The following IL1RL1 variants were observed in gnomAD, a reference collection of about 807,000 sequenced individuals.
IL1RL1 encodes the protein interleukin-1 receptor-like 1.
Under a neutral mutation model 50.9 loss-of-function variants are expected in IL1RL1, and 32 were observed. That is an observed-to-expected ratio of 0.63 (90% CI 0.47 to 0.84). The LOEUF is 0.84. Ranked by LOEUF, IL1RL1 falls within the 40% of genes least tolerant of loss-of-function variation. The probability of loss-of-function intolerance (pLI) is 0.00; values close to 1 mark genes in which losing one functional copy is unlikely to be tolerated. For missense variants in IL1RL1, 773 were observed against 662.9 expected (o/e 1.17, Z -1.82); for synonymous variants, 275 against 236.0 (o/e 1.17, Z -1.51).
At chr2:102,323,711 C>A (rs971990317) in intron 1 of IL1RL1, among the ~76,000 whole-genome samples, 1 of 152,104 alleles carries the variant, frequency 6.6e-6, no homozygotes, top group Non-Finnish European at 1.5e-5. Flanking sequence ...GGGATCCACC[C>A]CCATGACCCA....
At position 102,340,556 on chromosome 2, in the gene IL1RL1, C is replaced by A. The variant is rs568646067; in HGVS notation, c.448-110C>A. The A allele has an allele frequency of 2.9e-5, 32 of 1,097,628 alleles. No homozygotes were observed. The African/African-American group carries it at 4.2e-4, about 15-fold the overall frequency. The allele number at this position is 1,097,628 out of a possible 1,614,324, so 68.0% of individuals were successfully genotyped here. ...TGAACCTAGAAGGCAGAGGTTACAG[C>A]GAGCCCAGATTGCACCACTCACTCC... is the stretch of plus-strand genomic sequence containing the variant. On this transcript the variant is annotated intron_variant, in intron 4 of 10. Transcript: ENST00000233954.
In IL1RL1 at chr2:102,340,255, C is replaced by A. The variant is rs141010284; in HGVS notation, c.430C>A (p.Pro144Thr). 8 of 1,594,820 alleles carry A rather than the reference C, an allele frequency of 5.0e-6. No individual in the cohort carries two copies. Among genetic ancestry groups the A allele is most frequent in the Non-Finnish European group, 6.8e-6 (8 of 1,175,638 alleles). ...PTIDLYNWTA[P>T]LEWFKNCQAL... ...CATTGACCTCTACAACTGGACAGCA[C>A]CTCTTGAGTGGTTTAAGGTAAGAAG... The change falls in exon 4 of 11, where the codon CCT becomes ACT. Residue 144 changes from proline to threonine, a missense_variant. Transcript: ENST00000233954.
chr2:102,336,527 C>T (rs1032688748), intron 1 of IL1RL1, among the ~76,000 whole-genome samples: 4 of 152,134 alleles, frequency 2.6e-5, no homozygotes, highest in Admixed American at 6.5e-5. Context: ...ATAGGGTCAT[C>T]GCAACTATGC....
At chr2:102,330,924 C>A (rs1677161008) in intron 1 of IL1RL1, among the ~76,000 whole-genome samples, 1 of 152,120 alleles carries the variant, frequency 6.6e-6, no homozygotes. Flanking sequence ...ATTTTTATTT[C>A]ATTTTTCTGT....
At chr2:102,325,522 G>A (rs1012509586) in intron 1 of IL1RL1, among the ~76,000 whole-genome samples, 1 of 152,162 alleles carries the variant, frequency 6.6e-6, no homozygotes, top group Non-Finnish European at 1.5e-5. Flanking sequence ...GACGAGTTGA[G>A]AGAAGAAGGC....
In IL1RL1 at chr2:102,351,589, A is replaced by G; in HGVS notation, c.1339A>G (p.Ile447Val). The change falls in exon 11 of 11, where the codon ATC becomes GTC. Residue 447 changes from isoleucine (I) to valine (V), a missense_variant. Physicochemically the swap from Ile to Val is conservative, Grantham distance 29. Coordinates refer to ENST00000233954, the MANE Select transcript of IL1RL1 (RefSeq NM_016232.5). ...ACGAAAGAGCAGGCGGCACATTTTCATCCTGACCCCTCAGATCACTCACAA... is the reference window on the plus strand; with the variant it reads ...ACGAAAGAGCAGGCGGCACATTTTCGTCCTGACCCCTCAGATCACTCACAA... ...NIRKSRRHIF[I>V]LTPQITHNKE... 1 of 1,614,126 alleles carries G rather than the reference A, an allele frequency of 6.2e-7. No individual in the cohort carries two copies. Among genetic ancestry groups the G allele is most frequent in the Admixed American group, 1.7e-5 (1 of 60,002 alleles).
rs1677493260 is a variant in IL1RL1 at position 102,340,193 on chromosome 2, C to T, written c.368C>T (p.Ser123Phe). 1.2e-6 allele frequency: 2 copies of T among 1,604,540 alleles called. No homozygotes were observed. The highest frequency in any genetic ancestry group is 1.7e-6 in the Non-Finnish European group (2 of 1,176,564). The change falls in exon 4 of 11, where the codon TCT becomes TTT. Residue 123 changes from serine (S) to phenylalanine (F), a missense_variant. By Grantham distance (155) the Ser-to-Phe change is radical (BLOSUM62 -2). Coordinates refer to ENST00000233954, the MANE Select transcript of IL1RL1 (RefSeq NM_016232.5). ...GATTATTTGATGTATTCAACAGTAT[C>T]TGGATCAGAAAAAAATTCCAAAATT... ...VPDYLMYSTV[S>F]GSEKNSKIYC...
chr2:102,317,585 A>C (rs1246482717), intron 1 of IL1RL1, among the ~76,000 whole-genome samples: 1 of 152,112 alleles, frequency 6.6e-6, no homozygotes, highest in Non-Finnish European at 1.5e-5. Flanking sequence ...TTTTCACGTG[A>C]GAACAAACTC....
At chr2:102,317,727 A>G (rs1676718569) in intron 1 of IL1RL1, among the ~76,000 whole-genome samples, 1 of 152,182 alleles carries the variant, frequency 6.6e-6, no homozygotes. Context: ...ACTCAACCAT[A>G]GACCATTCAG....
chr2:102,329,180 T>G (rs1181584364), intron 1 of IL1RL1, among the ~76,000 whole-genome samples: 1 of 152,106 alleles, frequency 6.6e-6, no homozygotes, highest in East Asian at 1.9e-4. Context: ...TCAGAAATAA[T>G]GCTGCATGTC....
chr2:102,342,340 C>T, intron 6 of IL1RL1, 46 bp downstream of exon 6: 2 of 1,314,404 alleles, frequency 1.5e-6, no homozygotes, highest in Non-Finnish European at 1.1e-6. Context: ...TGGAAAAATC[C>T]TTCCATATGA....
chr2:102,352,344 T>C (rs940456301), downstream of IL1RL1, among the ~76,000 whole-genome samples: 4 of 135,566 alleles, frequency 3.0e-5, no homozygotes, highest in Non-Finnish European at 6.2e-5. Flanking sequence ...TTGTAAATCT[T>C]GTTCCCAACA....
At chr2:102,320,347 T>A (rs1022480318) in intron 1 of IL1RL1, among the ~76,000 whole-genome samples, 1 of 152,032 alleles carries the variant, frequency 6.6e-6, no homozygotes, top group Non-Finnish European at 1.5e-5. Context: ...GAACACTTAT[T>A]CTCTGGGATG....
chr2:102,326,615 A>G lies in IL1RL1; in HGVS notation c.-149-11501A>G, dbSNP rs369260673. ...GTTATATTCAGGAAACCCATCTCACATGCCGGGACACACATAGACTCAAAA... is the reference window on the plus strand; with the variant it reads ...GTTATATTCAGGAAACCCATCTCACGTGCCGGGACACACATAGACTCAAAA... On this transcript the variant is annotated intron_variant, in intron 1 of 10. Transcript: ENST00000233954. Among the ~76,000 whole-genome samples the G allele has an allele frequency of 1.8e-4, 27 of 152,298 alleles. No individual in the cohort carries two copies. The East Asian group carries it at 4.2e-3, about 24-fold the overall frequency.
intron 1 of IL1RL1, among the ~76,000 whole-genome samples, chr2:102,325,122 C>T (rs1676958261): frequency 6.6e-6 from 1 of 152,144 alleles, no homozygotes; most frequent in South Asian, 2.1e-4. Flanking sequence ...AGTCTGACAC[C>T]TCACACAGCT....
At chr2:102,348,785 C>T (rs1677850079) in intron 9 of IL1RL1, among the ~76,000 whole-genome samples, 1 of 152,076 alleles carries the variant, frequency 6.6e-6, no homozygotes, top group South Asian at 2.1e-4. Flanking sequence ...CACAGAAGGC[C>T]CCCTTAGTCA....
chr2:102,325,427 C>T (rs933842383), intron 1 of IL1RL1, among the ~76,000 whole-genome samples: 70 of 152,128 alleles, frequency 4.6e-4, no homozygotes, highest in Non-Finnish European at 7.1e-4. Context: ...AAACTGGAAA[C>T]TCTAAAAATC....
chr2:102,341,705 G>A (rs539076473), intron 5 of IL1RL1, among the ~76,000 whole-genome samples: 1 of 152,148 alleles, frequency 6.6e-6, no homozygotes, highest in South Asian at 2.1e-4. Context: ...AAGGGATGGA[G>A]GATTGCAGCA....
At chr2:102,322,852 T>C (rs1260884686) in intron 1 of IL1RL1, among the ~76,000 whole-genome samples, 4 of 152,176 alleles carry the variant, frequency 2.6e-5, no homozygotes, top group Non-Finnish European at 1.5e-5. Context: ...TGATAGATTA[T>C]AATTTGCCTA....
Sources: gnomAD v4.1 joint callset for allele counts (sites outside exome capture counted in the v4.1 genomes callset) on GRCh38, gnomAD v4.1.1 for gene constraint, MANE v1.5 for transcripts, NCBI Gene and HGNC (gene_info 2026-07-23, HGNC 2026-07-21) for gene names.